Variants in PLXND1 observed in about 807,000 individuals in gnomAD.
PLXND1 encodes the protein plexin-D1.
Under a neutral mutation model 197.7 loss-of-function variants are expected in PLXND1, and 54 were observed. That is an observed-to-expected ratio of 0.27 (90% CI 0.22 to 0.34). PLXND1 has a LOEUF of 0.34. Among genes scored for constraint, PLXND1 ranks in the 10% least tolerant of loss-of-function variants. The probability of loss-of-function intolerance (pLI) is 1.00; values close to 1 mark genes in which losing one functional copy is unlikely to be tolerated. For missense variants in PLXND1, 2,127 were observed against 2,699.2 expected (o/e 0.79, Z 4.70); for synonymous variants, 1,180 against 1,161.2 (o/e 1.02, Z -0.33).
At position 129,605,400 on chromosome 3, in the gene PLXND1, C is replaced by T; in HGVS notation, c.1240G>A (p.Asp414Asn). ...RTACFVEPAP[D>N]VVAVLDSVVQ... ...ACGCTGTCGAGCACCGCCACCACGT[C>T]GGGCGCCGGTTCCACGAAGCAGGCG... Residue 414 changes from aspartate to asparagine, a missense_variant, in exon 1 of 36, where the codon GAC becomes AAC. By Grantham distance (23) the Asp-to-Asn change is conservative (BLOSUM62 1). This residue lies in a region of PLXND1 where 1,095 missense variants were observed against 1,259.8 expected (regional missense o/e 0.87). Coordinates refer to ENST00000324093, the MANE Select transcript of PLXND1 (RefSeq NM_015103.3). 1 of 1,500,756 alleles carries T rather than the reference C, an allele frequency of 6.7e-7. No homozygotes were observed. The highest frequency in any genetic ancestry group is 2.3e-4 in the Middle Eastern group (1 of 4,264). The allele number at this position is 1,500,756 out of a possible 1,614,324, so 93.0% of individuals were successfully genotyped here. A position where few individuals can be genotyped will look rare whatever the true frequency, so the allele number is the denominator to read the frequency against.
chr3:129,606,616 G>A lies in PLXND1; in HGVS notation c.24C>T (p.Gly8=). Residue 8 remains glycine, a synonymous_variant, in exon 1 of 36, where the codon GGC becomes GGT. Transcript: ENST00000324093. ...CGGCGGCCCGGGCGCTAAGGGGTGC[G>A]CCGCCCGCGGCGCGAGGAGCCATCC... is the stretch of plus-strand genomic sequence containing the variant. The part of the protein sequence containing the change: MAPRAAG[G]APLSARAAAA... The A allele has an allele frequency of 4.3e-6, 5 of 1,151,536 alleles. No homozygotes were observed. Among genetic ancestry groups the A allele is most frequent in the Non-Finnish European group, 5.3e-6 (5 of 937,158 alleles). 71.3% of individuals were successfully genotyped at this position (1,151,536 alleles called of 1,614,324 possible). A position where few individuals can be genotyped will look rare whatever the true frequency, so the allele number is the denominator to read the frequency against.
intron 11 of PLXND1, 57 bp from the exon 12 acceptor site, chr3:129,574,547 C>T (rs369115503): frequency 6.9e-5 from 106 of 1,536,166 alleles, no homozygotes; most frequent in East Asian, 3.0e-4. Context: ...GCCCCAACAC[C>T]GCTGTGCCCT....
Position 129,586,073 on chromosome 3 carries a change from A to G in PLXND1, c.1730T>C (p.Leu577Ser). Reference sequence around the variant, plus strand: ...GCTGGAATTGGTGCAGTCCTGCTGCAAGGTGCACCTGGGGTGGCACCGCAG... The same window carrying G: ...GCTGGAATTGGTGCAGTCCTGCTGCGAGGTGCACCTGGGGTGGCACCGCAG... ...GWCALETRCT[L>S]QQDCTNSSQQ... The change falls in exon 5 of 36, where the codon TTG becomes TCG. Residue 577 changes from leucine (L) to serine (S), a missense_variant. This residue lies in a region of PLXND1 where 1,095 missense variants were observed against 1,259.8 expected (regional missense o/e 0.87). Coordinates refer to ENST00000324093, the MANE Select transcript of PLXND1 (RefSeq NM_015103.3). 5 of 1,613,884 alleles carry G rather than the reference A, an allele frequency of 3.1e-6. No individual in the cohort carries two copies. The highest frequency in any genetic ancestry group is 4.2e-6 in the Non-Finnish European group (5 of 1,179,986).
chr3:129,559,909 C>T (rs2108763117), intron 31 of PLXND1, 126 bp from the exon 32 acceptor site: 2 of 824,372 alleles, frequency 2.4e-6, no homozygotes, highest in Middle Eastern at 3.7e-4. Context: ...TGGCATCAGG[C>T]TGGTCACCGA....
rs894811523 is a variant in PLXND1 at position 129,584,722 on chromosome 3, G to C, written c.1852-160C>G. Among the ~76,000 whole-genome samples, 70 of 152,298 alleles carry C rather than the reference G, an allele frequency of 4.6e-4. No homozygotes were observed. In the Middle Eastern group the frequency reaches 0.01, roughly 22 times the overall value. ...AGGGCCAGAGGGCTATGCCCTACAT[G>C]TGACCCTCTGAGCCTCAGTTTCCCC... On this transcript the variant is annotated intron_variant, in intron 5 of 35. Coordinates refer to ENST00000324093, the MANE Select transcript of PLXND1 (RefSeq NM_015103.3).
At chr3:129,593,338 G>A (rs1034022589) in intron 1 of PLXND1, among the ~76,000 whole-genome samples, 2 of 152,082 alleles carry the variant, frequency 1.3e-5, no homozygotes, top group African/African-American at 4.8e-5. Context: ...CCTCATACCC[G>A]GGGCTCTTGT....
At chr3:129,572,166 G>A (rs2085243942) in intron 15 of PLXND1, among the ~76,000 whole-genome samples, 1 of 152,082 alleles carries the variant, frequency 6.6e-6, no homozygotes, top group Non-Finnish European at 1.5e-5. Context: ...CTTCCCGTGG[G>A]TATGTCTGCC....
At chr3:129,571,431 G>A in intron 17 of PLXND1, 78 bp downstream of exon 17, 1 of 1,522,426 alleles carries the variant, frequency 6.6e-7, no homozygotes, top group South Asian at 1.1e-5. Context: ...AGATGCAGTG[G>A]GAGGAGGCCT....
At chr3:129,575,995 C>T in intron 9 of PLXND1, 140 bp from the exon 10 acceptor site, 1 of 649,640 alleles carries the variant, frequency 1.5e-6, no homozygotes, top group Non-Finnish European at 2.8e-6. Context: ...CATGGGCTGT[C>T]CCGTCCCCCA....
At position 129,606,595 on chromosome 3, in the gene PLXND1, G is replaced by C; in HGVS notation, c.45C>G (p.Ala15=). The change falls in exon 1 of 36, where the codon GCC becomes GCG. Residue 15 remains alanine (A), a synonymous_variant. Coordinates refer to ENST00000324093, the MANE Select transcript of PLXND1 (RefSeq NM_015103.3). ...GGAACGGCGGGGGGCTGGCGGCGGC[G>C]GCCCGGGCGCTAAGGGGTGCGCCGC... is the stretch of plus-strand genomic sequence containing the variant. ...AAGGAPLSAR[A]AAASPPPFQT... 1 of 1,211,694 alleles carries C rather than the reference G, an allele frequency of 8.3e-7. No homozygotes were observed. The highest frequency in any genetic ancestry group is 1.0e-6 in the Non-Finnish European group (1 of 975,758). The allele number at this position is 1,211,694 out of a possible 1,614,324, so 75.1% of individuals were successfully genotyped here.
intron 19 of PLXND1, among the ~76,000 whole-genome samples, chr3:129,570,419 C>A (rs773994498): frequency 1.3e-5 from 2 of 152,112 alleles, no homozygotes; most frequent in Non-Finnish European, 2.9e-5. Flanking sequence ...GTGAGCTCCC[C>A]ATCCCAGGAG....
At chr3:129,605,181 C>A in intron 1 of PLXND1, 148 bp downstream of exon 1, 1 of 383,366 alleles carries the variant, frequency 2.6e-6, no homozygotes, top group Non-Finnish European at 4.4e-6. Flanking sequence ...TGTATTCTCG[C>A]GTGCACACCT....
chr3:129,601,074 C>T (rs1305159233), intron 1 of PLXND1, among the ~76,000 whole-genome samples: 1 of 152,052 alleles, frequency 6.6e-6, no homozygotes, highest in Non-Finnish European at 1.5e-5. Context: ...GATGCTGTGC[C>T]TCAGTTTCCC....
intron 8 of PLXND1, among the ~76,000 whole-genome samples, chr3:129,578,864 G>A (rs1041181164): frequency 6.6e-6 from 1 of 152,164 alleles, no homozygotes; most frequent in African/African-American, 2.4e-5. Context: ...TGACTGACCC[G>A]TGTTAAGCGA....
At position 129,560,398 on chromosome 3, in the gene PLXND1, A is replaced by G; in HGVS notation, c.5065T>C (p.Ser1689Pro). The G allele has an allele frequency of 6.2e-7, 1 of 1,613,780 alleles. No individual in the cohort carries two copies. The highest frequency in any genetic ancestry group is 8.5e-7 in the Non-Finnish European group (1 of 1,179,846). The change falls in exon 31 of 36, where the codon TCT becomes CCT. Residue 1689 changes from serine to proline, a missense_variant. Transcript: ENST00000324093. The stretch of plus-strand genomic sequence containing the variant: ...TTCTTGCGATGGCTCTGCCGGTGAG[A>G]CTTCTTGGGCTCCGCCAGCTCGTCC... ...PTDELAEPKK[S>P]HRQSHRKKVL...
At chr3:129,591,018 C>CAA (rs10626993) in intron 1 of PLXND1, among the ~76,000 whole-genome samples, 149,537 of 152,358 alleles carry the variant, frequency 0.98, 73,456 homozygotes, top group East Asian at 1. Context: ...GGTTTTTGCA[C>CAA]AGGCTCAGCT....
rs763778154 is a variant in PLXND1 at position 129,571,225 on chromosome 3, A to G, written c.3415T>C (p.Phe1139Leu). 10 of 1,614,144 alleles carry G rather than the reference A, an allele frequency of 6.2e-6. No individual in the cohort carries two copies. The highest frequency in any genetic ancestry group is 7.6e-6 in the Non-Finnish European group (9 of 1,180,000). The change falls in exon 18 of 36, where the codon TTC becomes CTC. Residue 1139 changes from phenylalanine (F) to leucine (L), a missense_variant. By Grantham distance (22) the Phe-to-Leu change is conservative. This residue lies in a region of PLXND1 where 532 missense variants were observed against 811.0 expected (regional missense o/e 0.66). Coordinates refer to ENST00000324093, the MANE Select transcript of PLXND1 (RefSeq NM_015103.3). ...GCGTAGGCCCGCCCATTGATGAAGAAGTCCACTGGCGCTGATGCGTTGCTC... is the reference window on the plus strand; with the variant it reads ...GCGTAGGCCCGCCCATTGATGAAGAGGTCCACTGGCGCTGATGCGTTGCTC... Reference protein sequence around the residue: ...ALSNASAPVDFFINGRAYADE... With the variant: ...ALSNASAPVDLFINGRAYADE...
intron 1 of PLXND1, among the ~76,000 whole-genome samples, chr3:129,597,892 C>A (rs577805551): frequency 1.3e-5 from 2 of 152,208 alleles, no homozygotes; most frequent in African/African-American, 4.8e-5. Context: ...CATGGCAATC[C>A]CCACATGGCT....
Position 129,566,012 on chromosome 3 carries a change from A to G in PLXND1, c.4197T>C (p.Pro1399=). The part of the protein sequence containing the change: ...THPLLGEWKI[P]ESCRPNMEEG... Reference sequence around the variant, plus strand: ...CTTCCATGTTGGGCCGGCAGCTCTCAGGAATCTGTGGAAGCAACTGGTGAT... The same window carrying G: ...CTTCCATGTTGGGCCGGCAGCTCTCGGGAATCTGTGGAAGCAACTGGTGAT... Residue 1399 remains proline (P), a synonymous_variant, in exon 24 of 36, where the codon CCT becomes CCC. Transcript: ENST00000324093. 1 of 1,614,120 alleles carries G rather than the reference A, an allele frequency of 6.2e-7. No homozygotes were observed. Among genetic ancestry groups the G allele is most frequent in the Non-Finnish European group, 8.5e-7 (1 of 1,179,980 alleles).
Sources: allele counts gnomAD v4.1 joint callset (sites outside exome capture counted in the v4.1 genomes callset), GRCh38; gene constraint gnomAD v4.1.1; regional missense constraint gnomAD v4.1.1; transcripts MANE v1.5; gene names NCBI Gene and HGNC (gene_info 2026-07-23, HGNC 2026-07-21).